Variants in USP25 observed in about 807,000 individuals in gnomAD.
The protein encoded by USP25 is ubiquitin carboxyl-terminal hydrolase 25.
Under a neutral mutation model 158.5 loss-of-function variants are expected in USP25, and 85 were observed. The ratio of observed to expected loss-of-function variants is 0.54; its 90% CI spans 0.45 to 0.64. USP25 has a LOEUF of 0.64. Among genes scored for constraint, USP25 ranks in the 30% least tolerant of loss-of-function variants. The pLI is 0.00. For missense variants in USP25, 1,242 were observed against 1,327.3 expected, an observed-to-expected ratio of 0.94 and a Z score of 1.00; for synonymous variants, 464 against 460.4, an observed-to-expected ratio of 1.01 and a Z score of -0.10.
chr21:15,842,471 A>G lies in USP25; in HGVS notation c.2268A>G (p.Glu756=). 1 of 1,613,822 alleles carries G rather than the reference A, an allele frequency of 6.2e-7. No individual in the cohort carries two copies. Among genetic ancestry groups the G allele is most frequent in the South Asian group, 1.1e-5 (1 of 91,078 alleles). ...RSDFSKHLKE[E]TIQIITKASH... is the part of the protein sequence containing the mutation. ...ATTTCTCAAAGCACTTGAAAGAAGA[A>G]ACTATTCAAATAATTACCAAGGCAT... The change falls in exon 18 of 26, where the codon GAA becomes GAG. Residue 756 remains glutamate (E), a synonymous_variant. Coordinates refer to ENST00000400183, the MANE Select transcript of USP25 (RefSeq NM_001283041.3).
chr21:15,765,983 C>A lies in USP25; in HGVS notation c.124-14C>A. On this transcript the variant is annotated splice_polypyrimidine_tract_variant and intron_variant, in intron 2 of 25. Transcript: ENST00000400183. ...ATTTCAAAACACTTGATACTCCTTTCTTGATATTTGAAGGATAGTAATGGA... is the reference window on the plus strand; with the variant it reads ...ATTTCAAAACACTTGATACTCCTTTATTGATATTTGAAGGATAGTAATGGA... 1 of 1,594,970 alleles carries A rather than the reference C, an allele frequency of 6.3e-7. No individual in the cohort carries two copies. The highest frequency in any genetic ancestry group is 2.3e-5 in the East Asian group (1 of 44,422).
In USP25 at chr21:15,826,152, C is replaced by A; in HGVS notation, c.1305-52C>A. 6.5e-7 allele frequency: 1 copy of A among 1,547,230 alleles called. No individual in the cohort carries two copies. Among genetic ancestry groups the A allele is most frequent in the East Asian group, 2.3e-5 (1 of 43,492 alleles). On this transcript the variant is annotated intron_variant, in intron 12 of 25. Coordinates refer to ENST00000400183, the MANE Select transcript of USP25 (RefSeq NM_001283041.3). The surrounding 1 kb of genome is among the most constrained non-coding windows in gnomAD (Gnocchi z 4.8). ...ACGTTTTATAATAATAATAAAGGCCCAAATATGCTGTATATAGAAATAAAA... is the reference window on the plus strand; with the variant it reads ...ACGTTTTATAATAATAATAAAGGCCAAAATATGCTGTATATAGAAATAAAA...
chr21:15,771,905 T>G (rs934990498), intron 3 of USP25, among the ~76,000 whole-genome samples: 1 of 152,118 alleles, frequency 6.6e-6, no homozygotes, highest in African/African-American at 2.4e-5. Flanking sequence ...TTGGCTTATT[T>G]TTTTTAAAAA....
intron 5 of USP25, among the ~76,000 whole-genome samples, chr21:15,795,997 A>G (rs896336961): frequency 1.3e-5 from 2 of 151,442 alleles, no homozygotes; most frequent in Non-Finnish European, 3.0e-5. Flanking sequence ...TTCACAAATT[A>G]TTTGAACTCT....
chr21:15,835,317 C>G (rs1321878948), intron 17 of USP25, among the ~76,000 whole-genome samples: 5 of 152,156 alleles, frequency 3.3e-5, no homozygotes, highest in African/African-American at 1.2e-4. Flanking sequence ...TGTTTCTCAT[C>G]TCTCCAAATT....
Position 15,878,721 on chromosome 21 carries a change from C to CA in USP25, c.*250dup. 2 of 381,540 alleles carry CA rather than the reference C, an allele frequency of 5.2e-6. No individual in the cohort carries two copies. Among genetic ancestry groups the CA allele is most frequent in the Non-Finnish European group, 9.3e-6 (2 of 215,244 alleles). The allele number at this position is 381,540 out of a possible 1,614,324, so 23.6% of individuals were successfully genotyped here. A position where few individuals can be genotyped will look rare whatever the true frequency, so the allele number is the denominator to read the frequency against. ...ACAAATCTAATTGATTTTATTATGGCAAAACTATGCTTTTGCCACCTTCCT... is the reference window on the plus strand; with the variant it reads ...ACAAATCTAATTGATTTTATTATGGCAAAAACTATGCTTTTGCCACCTTCCT... On this transcript the variant is annotated 3_prime_UTR_variant, in exon 26 of 26. Coordinates refer to ENST00000400183, the MANE Select transcript of USP25 (RefSeq NM_001283041.3).
chr21:15,863,774 C>T (rs1044578579), intron 20 of USP25, among the ~76,000 whole-genome samples: 3 of 151,326 alleles, frequency 2.0e-5, no homozygotes, highest in African/African-American at 4.9e-5. Flanking sequence ...ACGTGGCTCA[C>T]GCCTGTAATC....
rs566623590 is a variant in USP25 at position 15,846,453 on chromosome 21, C to T, written c.2338-1210C>T. On this transcript the variant is annotated intron_variant, in intron 18 of 25. Transcript: ENST00000400183. Reference sequence around the variant, plus strand: ...CTGGGATTATAGGTCTAAGCTACCACGCCATGCCAAAAATAGTGTTTATTT... The same window carrying T: ...CTGGGATTATAGGTCTAAGCTACCATGCCATGCCAAAAATAGTGTTTATTT... Among the ~76,000 whole-genome samples the T allele has an allele frequency of 5.9e-5, 9 of 151,914 alleles. No homozygotes were observed. The East Asian group carries it at 9.7e-4, about 16-fold the overall frequency.
chr21:15,799,865 T>A (rs781570123), intron 6 of USP25, 22 bp downstream of exon 6: 33 of 1,566,210 alleles, frequency 2.1e-5, no homozygotes, highest in East Asian at 6.8e-5. Flanking sequence ...AAGATTTTTT[T>A]AAGCAGTATA....
chr21:15,733,486 C>CT (rs2031170224), intron 1 of USP25, among the ~76,000 whole-genome samples: 1 of 151,942 alleles, frequency 6.6e-6, no homozygotes, highest in Non-Finnish European at 1.5e-5. Flanking sequence ...AATCCCAGCA[C>CT]TTTGGGAGGC....
intron 1 of USP25, among the ~76,000 whole-genome samples, chr21:15,740,755 T>G (rs1424868833): frequency 6.6e-6 from 1 of 150,414 alleles, no homozygotes; most frequent in African/African-American, 2.4e-5. Context: ...TGAAAACTTA[T>G]GTACAACTTA....
intron 1 of USP25, among the ~76,000 whole-genome samples, chr21:15,734,888 T>C (rs892367089): frequency 6.6e-6 from 1 of 152,208 alleles, no homozygotes; most frequent in Admixed American, 6.5e-5. Flanking sequence ...ATATTTACTA[T>C]ATAATCCGTG....
chr21:15,733,637 G>A (rs1423980871), intron 1 of USP25, among the ~76,000 whole-genome samples: 2 of 152,002 alleles, frequency 1.3e-5, no homozygotes, highest in African/African-American at 2.4e-5. Context: ...TCAGGAGTTC[G>A]AGACCAGCCT....
intron 5 of USP25, chr21:15,799,507 A>G: frequency 3.7e-6 from 1 of 269,236 alleles, no homozygotes; most frequent in East Asian, 6.3e-5. Flanking sequence ...AAAAAGAGCT[A>G]TTAATAATGA....
chr21:15,750,226 T>G (rs1453240491), intron 1 of USP25, among the ~76,000 whole-genome samples: 64 of 145,534 alleles, frequency 4.4e-4, no homozygotes, highest in East Asian at 3.0e-3. Flanking sequence ...TTTTTTTTTT[T>G]TTTTTTTTTT....
chr21:15,866,929 C>T (rs1568911025), intron 22 of USP25, among the ~76,000 whole-genome samples: 2 of 152,134 alleles, frequency 1.3e-5, no homozygotes, highest in Non-Finnish European at 2.9e-5. Flanking sequence ...TTGCACTACA[C>T]TGTGCAACTG....
intron 20 of USP25, among the ~76,000 whole-genome samples, chr21:15,850,694 G>T (rs979716466): frequency 1.3e-5 from 2 of 150,968 alleles, no homozygotes; most frequent in African/African-American, 4.9e-5. Flanking sequence ...TCTGTATTTT[G>T]CCATTATCCA....
At chr21:15,788,389 A>G (rs1375437199) in intron 4 of USP25, among the ~76,000 whole-genome samples, 1 of 152,104 alleles carries the variant, frequency 6.6e-6, no homozygotes, top group East Asian at 1.9e-4. Flanking sequence ...GGCTTTTGCA[A>G]TCAGTCAGTC....
Position 15,866,332 on chromosome 21 carries a change from G to C in USP25, c.2793G>C (p.Leu931Phe), listed in dbSNP as rs764506666. 1.2e-6 allele frequency: 2 copies of C among 1,602,902 alleles called. No homozygotes were observed. Among genetic ancestry groups the C allele is most frequent in the African/African-American group, 2.7e-5 (2 of 74,286 alleles). ...LEMIKPEEVNLEEYEEWHQDY... is the reference protein window; with the variant it reads ...LEMIKPEEVNFEEYEEWHQDY... ...TGATAAAACCTGAAGAAGTAAACTTGGAGGAATATGAGGTAATGTGCTTTC... is the reference window on the plus strand; with the variant it reads ...TGATAAAACCTGAAGAAGTAAACTTCGAGGAATATGAGGTAATGTGCTTTC... The change falls in exon 22 of 26, where the codon TTG becomes TTC. Residue 931 changes from leucine (L) to phenylalanine (F), a missense_variant. By Grantham distance (22) the Leu-to-Phe change is conservative. Transcript: ENST00000400183.
Sources: gnomAD v4.1 joint callset for allele counts (sites outside exome capture counted in the v4.1 genomes callset) on GRCh38, gnomAD v4.1.1 for gene constraint, Gnocchi (gnomAD v3.1) non-coding constraint, MANE v1.5 for transcripts, NCBI Gene and HGNC (gene_info 2026-07-23, HGNC 2026-07-21) for gene names.